HCN1: variants seen among roughly 807,000 people sequenced by gnomAD.
The protein encoded by HCN1 is hyperpolarization activated cyclic nucleotide gated potassium channel 1.
HCN1 carries 13 observed loss-of-function variants against 78.9 expected under a neutral mutation model. The ratio of observed to expected loss-of-function variants is 0.16; its 90% CI spans 0.11 to 0.26. HCN1 has a LOEUF of 0.26. HCN1 is among the 10% of genes least tolerant of loss of function. HCN1 has a pLI of 1.00. For synonymous variants in HCN1, 552 were observed against 455.5 expected (o/e 1.21, Z -2.70); for missense variants, 810 against 1,154.3 (o/e 0.70, Z 4.32).
At position 45,696,375 on chromosome 5, in the gene HCN1, C is replaced by G. The variant is rs911651182; in HGVS notation, c.-282G>C. The G allele has an allele frequency of 6.5e-6, 1 of 154,048 alleles. No individual in the cohort carries two copies. Among genetic ancestry groups the G allele is most frequent in the African/African-American group, 2.4e-5 (1 of 41,490 alleles). The allele number at this position is 154,048 out of a possible 1,614,324, so 9.5% of individuals were successfully genotyped here. On this transcript the variant is annotated 5_prime_UTR_variant, in exon 1 of 8. Transcript: ENST00000303230. ...TGCCGGAGCTAGGCGAGGCTCAGCT[C>G]GGCTCAGCCCTCGCGCCCCAGCGCC...
intron 2 of HCN1, among the ~76,000 whole-genome samples, chr5:45,634,227 C>T (rs1240394555): frequency 2.6e-5 from 4 of 151,940 alleles, no homozygotes; most frequent in African/African-American, 9.7e-5. Context: ...CACTCACATT[C>T]ATACACCTAT....
chr5:45,372,509 C>A (rs1246850814), intron 4 of HCN1, among the ~76,000 whole-genome samples: 5 of 120,180 alleles, frequency 4.2e-5, no homozygotes, highest in Admixed American at 9.6e-5. Flanking sequence ...ATATATAAAA[C>A]ATTTACATAT....
chr5:45,664,079 C>G (rs1490160858), intron 1 of HCN1, among the ~76,000 whole-genome samples: 52 of 120,326 alleles, frequency 4.3e-4, no homozygotes, highest in African/African-American at 1.5e-3. Context: ...CAATGATAGA[C>G]TGGATTAAGA....
intron 2 of HCN1, among the ~76,000 whole-genome samples, chr5:45,619,197 A>T (rs1371892247): frequency 6.6e-6 from 1 of 152,112 alleles, no homozygotes; most frequent in Non-Finnish European, 1.5e-5. Context: ...ATACACAGGC[A>T]CTAATCTCGT....
intron 2 of HCN1, among the ~76,000 whole-genome samples, chr5:45,485,034 C>G (rs1003241224): frequency 5.9e-5 from 9 of 152,146 alleles, no homozygotes; most frequent in African/African-American, 2.2e-4. Flanking sequence ...TGGATAAACT[C>G]ATTATCCATA....
intron 1 of HCN1, among the ~76,000 whole-genome samples, chr5:45,688,218 G>C (rs1739844264): frequency 6.6e-6 from 1 of 152,066 alleles, no homozygotes; most frequent in African/African-American, 2.4e-5. Context: ...TAAATGATTA[G>C]GTTCAATCCA....
intron 5 of HCN1, among the ~76,000 whole-genome samples, chr5:45,340,665 AC>A (rs1440587256): frequency 6.6e-6 from 1 of 152,090 alleles, no homozygotes; most frequent in African/African-American, 2.4e-5. Flanking sequence ...TTTTTAAACA[AC>A]TGATACCAGG....
chr5:45,474,441 T>C lies in HCN1; in HGVS notation c.850-12434A>G, dbSNP rs543976669. 4.6e-5 allele frequency among the ~76,000 whole-genome samples: 7 copies of C among 152,034 alleles called. No homozygotes were observed. The South Asian group carries it at 1.2e-3, about 27-fold the overall frequency. On this transcript the variant is annotated intron_variant, in intron 2 of 7. Coordinates refer to ENST00000303230, the MANE Select transcript of HCN1 (RefSeq NM_021072.4). ...AATTCCCTACTTTGGACAATTATCA[T>C]CTCTCACTTGAGTTTTTTCAAAACC...
At chr5:45,587,061 G>A (rs1744244900) in intron 2 of HCN1, among the ~76,000 whole-genome samples, 1 of 152,206 alleles carries the variant, frequency 6.6e-6, no homozygotes, top group South Asian at 2.1e-4. Context: ...AGGTGCTGGA[G>A]AGGATGTGGA....
At chr5:45,694,025 T>G (rs1253883889) in intron 1 of HCN1, among the ~76,000 whole-genome samples, 2 of 152,188 alleles carry the variant, frequency 1.3e-5, no homozygotes, top group Non-Finnish European at 2.9e-5. Context: ...AAAGATAATA[T>G]TCTATACTTG....
At chr5:45,374,695 A>T (rs1191907539) in intron 4 of HCN1, among the ~76,000 whole-genome samples, 3 of 150,754 alleles carry the variant, frequency 2.0e-5, no homozygotes, top group African/African-American at 7.3e-5. Context: ...CAACAAAAAA[A>T]GAAAACTTCA....
At chr5:45,281,127 A>G (rs1004170728) in intron 6 of HCN1, among the ~76,000 whole-genome samples, 1 of 152,106 alleles carries the variant, frequency 6.6e-6, no homozygotes, top group Admixed American at 6.5e-5. Context: ...TTTTGTTAGT[A>G]TGTTGATATG....
intron 2 of HCN1, among the ~76,000 whole-genome samples, chr5:45,593,218 ACAC>A (rs1744412840): frequency 6.9e-6 from 1 of 144,384 alleles, no homozygotes; most frequent in Admixed American, 6.9e-5. Context: ...ACGCGCACAC[ACAC>A]ACACACACAC....
At chr5:45,435,818 C>G (rs1293932761) in intron 3 of HCN1, among the ~76,000 whole-genome samples, 3 of 152,078 alleles carry the variant, frequency 2.0e-5, no homozygotes, top group Non-Finnish European at 4.4e-5. Flanking sequence ...GATAAACTCA[C>G]AAAAACACCA....
chr5:45,625,924 GA>G (rs1483170379), intron 2 of HCN1, among the ~76,000 whole-genome samples: 1 of 152,018 alleles, frequency 6.6e-6, no homozygotes, highest in East Asian at 1.9e-4. Flanking sequence ...ACAACATGAA[GA>G]AAATTTGGGA....
chr5:45,650,782 C>T (rs573821022), intron 1 of HCN1, among the ~76,000 whole-genome samples: 1 of 151,744 alleles, frequency 6.6e-6, no homozygotes, highest in East Asian at 1.9e-4. Context: ...TTCAGTCATA[C>T]TTTTTTTTCT....
intron 1 of HCN1, among the ~76,000 whole-genome samples, chr5:45,687,517 G>GT (rs762682368): frequency 6.6e-6 from 1 of 151,862 alleles, no homozygotes; most frequent in Admixed American, 6.6e-5. Context: ...TCCAAGAGCT[G>GT]TTTTTTAAAT....
intron 1 of HCN1, among the ~76,000 whole-genome samples, chr5:45,648,587 C>A (rs1745617198): frequency 6.6e-6 from 1 of 151,968 alleles, no homozygotes; most frequent in Non-Finnish European, 1.5e-5. Flanking sequence ...GTGCAATATA[C>A]CTTCTTTAAA....
chr5:45,495,737 T>C (rs1742011479), intron 2 of HCN1, among the ~76,000 whole-genome samples: 1 of 152,158 alleles, frequency 6.6e-6, no homozygotes, highest in South Asian at 2.1e-4. Context: ...GGCTGTGGGT[T>C]TGTCATAGAT....
Sources: allele counts gnomAD v4.1 joint callset (sites outside exome capture counted in the v4.1 genomes callset), GRCh38; gene constraint gnomAD v4.1.1; transcripts MANE v1.5; gene names NCBI Gene and HGNC (gene_info 2026-07-23, HGNC 2026-07-21).